TLK1: variants seen among roughly 807,000 people sequenced by gnomAD.
TLK1 encodes serine/threonine-protein kinase tousled-like 1.
A neutral mutation model predicts 105.3 loss-of-function variants in TLK1; 24 were observed. The observed-to-expected ratio is 0.23, with a 90% CI of 0.17 to 0.32. TLK1 has a LOEUF of 0.32. TLK1 is among the 10% of genes least tolerant of loss of function. TLK1 has a pLI of 1.00. For synonymous variants in TLK1, 321 were observed against 310.4 expected, an observed-to-expected ratio of 1.03 and a Z score of -0.36; for missense variants, 558 against 910.5, an observed-to-expected ratio of 0.61 and a Z score of 4.98.
At chr2:171,071,430 G>A (rs968506362) in intron 3 of TLK1, among the ~76,000 whole-genome samples, 1 of 152,074 alleles carries the variant, frequency 6.6e-6, no homozygotes, top group Non-Finnish European at 1.5e-5. Context: ...TGGGACTACA[G>A]GCACCTGCCA....
chr2:170,997,304 T>C (rs1684111164), intron 19 of TLK1, among the ~76,000 whole-genome samples: 1 of 152,084 alleles, frequency 6.6e-6, no homozygotes, highest in Non-Finnish European at 1.5e-5. Flanking sequence ...AGTTGGGAAA[T>C]AAGACTAAGT....
At chr2:171,119,435 C>G (rs911045576) in intron 1 of TLK1, among the ~76,000 whole-genome samples, 1 of 152,212 alleles carries the variant, frequency 6.6e-6, no homozygotes, top group Non-Finnish European at 1.5e-5. Flanking sequence ...CCTTTGGCTT[C>G]AAACATGATT....
rs13408254 is a variant in TLK1 at position 171,120,349 on chromosome 2, G to A, written c.140-2492C>T. ...TGCCTAAAAGGACACAATCAACAGA[G>A]TGAGACGGCAACCCACAGAATGGAA... On this transcript the variant is annotated intron_variant, in intron 1 of 20. Transcript: ENST00000431350. 8.2e-3 allele frequency among the ~76,000 whole-genome samples: 1,233 copies of A among 150,966 alleles called. 20 individuals are homozygous for A. Among genetic ancestry groups the A allele is most frequent in the African/African-American group, 0.028 (1,164 of 41,130 alleles).
At chr2:171,056,205 C>A (rs926004531) in intron 6 of TLK1, among the ~76,000 whole-genome samples, 1 of 151,980 alleles carries the variant, frequency 6.6e-6, no homozygotes, top group African/African-American at 2.4e-5. Flanking sequence ...CCCACAGACT[C>A]AACAGGCATT....
chr2:171,026,401 C>T (rs1385244526), intron 12 of TLK1, among the ~76,000 whole-genome samples: 2 of 152,050 alleles, frequency 1.3e-5, no homozygotes, highest in Non-Finnish European at 2.9e-5. Context: ...AAAAACAAAC[C>T]CTCCTTTGAA....
chr2:171,097,642 C>A (rs887992800), intron 2 of TLK1, among the ~76,000 whole-genome samples: 5 of 151,910 alleles, frequency 3.3e-5, no homozygotes, highest in African/African-American at 1.2e-4. Context: ...TAAGAATAGG[C>A]GGCCGGGTGT....
At chr2:171,204,492 G>A (rs1575658114) in intron 1 of TLK1, among the ~76,000 whole-genome samples, 1 of 151,290 alleles carries the variant, frequency 6.6e-6, no homozygotes, top group Admixed American at 6.6e-5. Context: ...ATGTTGAAAG[G>A]ACAAAAGAGC....
intron 1 of TLK1, among the ~76,000 whole-genome samples, chr2:171,227,019 G>A (rs187791634): frequency 1.3e-5 from 2 of 152,266 alleles, no homozygotes; most frequent in Non-Finnish European, 1.5e-5. Flanking sequence ...AAAACAATCA[G>A]AGAATAGTCA....
At chr2:171,056,066 T>G (rs963026311) in intron 6 of TLK1, among the ~76,000 whole-genome samples, 8 of 152,060 alleles carry the variant, frequency 5.3e-5, no homozygotes, top group African/African-American at 1.9e-4. Context: ...ATACCCTGCC[T>G]TTTTCTTAAG....
chr2:171,137,535 C>A (rs1441756636), intron 1 of TLK1, among the ~76,000 whole-genome samples: 1 of 151,954 alleles, frequency 6.6e-6, no homozygotes, highest in East Asian at 1.9e-4. Context: ...CTTTAGTATC[C>A]GGAATAAGCC....
intron 2 of TLK1, among the ~76,000 whole-genome samples, chr2:171,094,332 C>A (rs1248832201): frequency 6.6e-6 from 1 of 151,598 alleles, no homozygotes; most frequent in East Asian, 1.9e-4. Context: ...ACAACAGATA[C>A]AAAGGACATA....
chr2:171,039,841 C>A (rs1437067715), intron 11 of TLK1, among the ~76,000 whole-genome samples: 1 of 151,982 alleles, frequency 6.6e-6, no homozygotes, highest in African/African-American at 2.4e-5. Context: ...TTCAGACAAA[C>A]AAAAACTGGT....
At chr2:171,165,066 T>C (rs2105298754), upstream of TLK1, among the ~76,000 whole-genome samples, 1 of 152,300 alleles carries the variant, frequency 6.6e-6, no homozygotes, top group African/African-American at 2.4e-5. Flanking sequence ...CACGTGCCAC[T>C]CTGTAGGGAA....
At chr2:171,116,256 C>G (rs56934523) in intron 2 of TLK1, among the ~76,000 whole-genome samples, 15 of 151,882 alleles carry the variant, frequency 9.9e-5, no homozygotes, top group Non-Finnish European at 1.9e-4. Context: ...AAGTTACTTA[C>G]GATGTATGAA....
intron 6 of TLK1, 23 bp from the exon 7 acceptor site, chr2:171,055,195 T>TCAGGTAAATG (rs1179841649): frequency 8.1e-7 from 1 of 1,236,174 alleles, no homozygotes; most frequent in Non-Finnish European, 1.1e-6. Flanking sequence ...TTAAAATTTT[T>TCAGGTAAATG]ATATTAGCAA....
chr2:171,084,128 T>C (rs539305432), intron 2 of TLK1, among the ~76,000 whole-genome samples: 27 of 152,134 alleles, frequency 1.8e-4, no homozygotes, highest in Non-Finnish European at 3.2e-4. Context: ...AGATAATGTA[T>C]GGTATCATTA....
intron 1 of TLK1, among the ~76,000 whole-genome samples, chr2:171,146,679 G>A (rs569634476): frequency 4.6e-5 from 7 of 152,242 alleles, no homozygotes; most frequent in Admixed American, 3.9e-4. Context: ...CATATCAACT[G>A]AAACAAGATA....
chr2:171,228,414 C>T (rs933633020), intron 1 of TLK1, among the ~76,000 whole-genome samples: 1 of 151,788 alleles, frequency 6.6e-6, no homozygotes, highest in Non-Finnish European at 1.5e-5. Flanking sequence ...ATCAGCTAAG[C>T]ATGGTGCACA....
At chr2:171,006,742 G>A in intron 16 of TLK1, 58 bp downstream of exon 16, 2 of 1,586,754 alleles carry the variant, frequency 1.3e-6, no homozygotes, top group Middle Eastern at 1.7e-4. Context: ...AACACAGGAT[G>A]GGGAAAGAGA....
Sources: allele counts gnomAD v4.1 joint callset (sites outside exome capture counted in the v4.1 genomes callset), GRCh38; gene constraint gnomAD v4.1.1; transcripts MANE v1.5; gene names NCBI Gene and HGNC (gene_info 2026-07-23, HGNC 2026-07-21).